Variants in GPATCH2 observed in about 807,000 individuals in gnomAD.
GPATCH2 encodes G-patch domain containing 2.
GPATCH2 carries 51 observed loss-of-function variants against 58.0 expected under a neutral mutation model. The observed-to-expected ratio is 0.88, with a 90% CI of 0.70 to 1.11. GPATCH2 has a LOEUF of 1.11. Ranked by LOEUF, GPATCH2 falls within the 50% of genes most tolerant of loss-of-function variation. The probability of loss-of-function intolerance (pLI) is 0.00; values close to 1 mark genes in which losing one functional copy is unlikely to be tolerated. For synonymous variants in GPATCH2, 222 were observed against 218.5 expected (o/e 1.02, Z -0.14); for missense variants, 625 against 652.2 (o/e 0.96, Z 0.45).
At chr1:217,456,572 T>G (rs1196576957) in intron 8 of GPATCH2, among the ~76,000 whole-genome samples, 2 of 152,158 alleles carry the variant, frequency 1.3e-5, no homozygotes, top group Non-Finnish European at 2.9e-5. Context: ...GGAGGTGAGA[T>G]GCAGGGGACA....
At position 217,433,148 on chromosome 1, in the gene GPATCH2, A is replaced by G. The variant is rs534952724; in HGVS notation, c.1367-1783T>C. On this transcript the variant is annotated intron_variant, in intron 9 of 9. Coordinates refer to ENST00000366935, the MANE Select transcript of GPATCH2 (RefSeq NM_018040.5). Reference sequence around the variant, plus strand: ...GGATTATTACGGCACCTTCTCCCCAACTACAAAAAAAAGTTGGAACTCTCT... The same window carrying G: ...GGATTATTACGGCACCTTCTCCCCAGCTACAAAAAAAAGTTGGAACTCTCT... Among the ~76,000 whole-genome samples the G allele has an allele frequency of 5.3e-5, 8 of 151,890 alleles. No individual in the cohort carries two copies. In the South Asian group the frequency reaches 1.2e-3, roughly 24 times the overall value.
At chr1:217,500,965 GATA>G (rs1396972338) in intron 6 of GPATCH2, among the ~76,000 whole-genome samples, 12 of 151,998 alleles carry the variant, frequency 7.9e-5, no homozygotes, top group African/African-American at 1.9e-4. Context: ...TTCCCAAAAT[GATA>G]ATATTTTGCA....
At chr1:217,446,189 T>C (rs1659379932) in intron 9 of GPATCH2, among the ~76,000 whole-genome samples, 1 of 152,142 alleles carries the variant, frequency 6.6e-6, no homozygotes, top group South Asian at 2.1e-4. Flanking sequence ...GCATTTTTCT[T>C]GTTTAGAGTT....
intron 5 of GPATCH2, among the ~76,000 whole-genome samples, chr1:217,575,073 G>A (rs1432814753): frequency 6.6e-6 from 1 of 151,940 alleles, no homozygotes; most frequent in Non-Finnish European, 1.5e-5. Flanking sequence ...TCATTTATAG[G>A]TCAAAAAATA....
chr1:217,504,456 T>C (rs1184186183), intron 6 of GPATCH2, among the ~76,000 whole-genome samples: 4 of 152,186 alleles, frequency 2.6e-5, no homozygotes, highest in Admixed American at 2.6e-4. Flanking sequence ...GAGAAAAGGA[T>C]AATGATAATA....
At chr1:217,593,297 A>G (rs1348819814) in intron 5 of GPATCH2, among the ~76,000 whole-genome samples, 2 of 151,992 alleles carry the variant, frequency 1.3e-5, no homozygotes, top group Admixed American at 1.3e-4. Context: ...ATTGCAATAA[A>G]TTTTGGAAAG....
rs139773265 is a variant in GPATCH2 at position 217,619,753 on chromosome 1, A to G, written c.773+30T>C. 929 of 881,532 alleles carry G rather than the reference A, an allele frequency of 1.1e-3. 7 individuals carry two copies. The African/African-American group carries it at 0.014, about 13-fold the overall frequency. 54.6% of individuals were successfully genotyped at this position (881,532 alleles called of 1,614,324 possible). On this transcript the variant is annotated intron_variant, in intron 2 of 9. Coordinates refer to ENST00000366935, the MANE Select transcript of GPATCH2 (RefSeq NM_018040.5). ...TCAACCACAAACACTGGAGATAAAT[A>G]TTTTTATATTTAGAGAATATAAAAG... is the stretch of plus-strand genomic sequence containing the variant.
chr1:217,630,994 C>A lies in GPATCH2; in HGVS notation c.-23G>T. 1 of 1,577,452 alleles carries A rather than the reference C, an allele frequency of 6.3e-7. No individual in the cohort carries two copies. Among genetic ancestry groups the A allele is most frequent in the Non-Finnish European group, 8.6e-7 (1 of 1,166,448 alleles). On this transcript the variant is annotated 5_prime_UTR_variant, in exon 1 of 10. In the 5' UTR this introduces an upstream ATG that the reference lacks. Coordinates refer to ENST00000366935, the MANE Select transcript of GPATCH2 (RefSeq NM_018040.5). Reference sequence around the variant, plus strand: ...CATTAACGACACCCGGGAGCCTGGCCTCGAAGCTCAGGCCCGTGAACAGAC... The same window carrying A: ...CATTAACGACACCCGGGAGCCTGGCATCGAAGCTCAGGCCCGTGAACAGAC...
intron 8 of GPATCH2, among the ~76,000 whole-genome samples, chr1:217,487,932 C>T (rs891310268): frequency 5.3e-5 from 8 of 151,888 alleles, no homozygotes; most frequent in South Asian, 2.1e-4. Context: ...AGTAGAGACG[C>T]GGTTTCACCA....
chr1:217,589,128 G>C (rs960872326), intron 5 of GPATCH2, among the ~76,000 whole-genome samples: 1 of 152,096 alleles, frequency 6.6e-6, no homozygotes. Context: ...GGTAGTATTA[G>C]AGGTGGCTTC....
intron 8 of GPATCH2, among the ~76,000 whole-genome samples, chr1:217,460,747 C>A (rs920824530): frequency 2.0e-5 from 3 of 152,174 alleles, no homozygotes; most frequent in African/African-American, 7.2e-5. Context: ...TTAATTTATG[C>A]AGTTTATTAA....
intron 5 of GPATCH2, among the ~76,000 whole-genome samples, chr1:217,570,526 A>G (rs1388532922): frequency 6.6e-6 from 1 of 152,214 alleles, no homozygotes; most frequent in African/African-American, 2.4e-5. Flanking sequence ...AAGACAGAGA[A>G]CATTTTTTTT....
At chr1:217,451,722 T>C (rs1558401509) in intron 8 of GPATCH2, among the ~76,000 whole-genome samples, 1 of 152,114 alleles carries the variant, frequency 6.6e-6, no homozygotes, top group Non-Finnish European at 1.5e-5. Context: ...GGCTCAGATA[T>C]CAGAAATAGC....
chr1:217,617,375 C>T (rs1668937747), intron 2 of GPATCH2, among the ~76,000 whole-genome samples: 1 of 152,174 alleles, frequency 6.6e-6, no homozygotes, highest in Non-Finnish European at 1.5e-5. Flanking sequence ...CAAGTCTTCC[C>T]TCACTAATAC....
At chr1:217,610,508 G>T in intron 4 of GPATCH2, 108 bp from the exon 5 acceptor site, 1 of 685,062 alleles carries the variant, frequency 1.5e-6, no homozygotes. Context: ...TGGTGGCGGT[G>T]AATGCCACGA....
intron 5 of GPATCH2, among the ~76,000 whole-genome samples, chr1:217,598,428 T>A (rs922669773): frequency 1.3e-5 from 2 of 151,642 alleles, no homozygotes; most frequent in African/African-American, 4.8e-5. Flanking sequence ...TCATACCCGG[T>A]AAATAACCAT....
chr1:217,499,038 T>G (rs1325992534), intron 6 of GPATCH2, among the ~76,000 whole-genome samples: 2 of 152,124 alleles, frequency 1.3e-5, no homozygotes, highest in Non-Finnish European at 2.9e-5. Context: ...CTGGGACTCT[T>G]AATACCGATG....
chr1:217,619,695 T>C, intron 2 of GPATCH2, 88 bp downstream of exon 2: 1 of 481,214 alleles, frequency 2.1e-6, no homozygotes, highest in Admixed American at 3.7e-5. Flanking sequence ...TTTATAATTA[T>C]TTTAAAATAG....
intron 6 of GPATCH2, among the ~76,000 whole-genome samples, chr1:217,506,995 C>T (rs530799670): frequency 2.0e-5 from 3 of 152,288 alleles, no homozygotes; most frequent in East Asian, 3.9e-4. Context: ...TATAATTATA[C>T]ATTTGTGTGT....
Sources: gnomAD v4.1 joint callset for allele counts (sites outside exome capture counted in the v4.1 genomes callset) on GRCh38, gnomAD v4.1.1 for gene constraint, MANE v1.5 for transcripts, NCBI Gene and HGNC (gene_info 2026-07-23, HGNC 2026-07-21) for gene names.